The following SNAP23 variants were observed in gnomAD, a reference collection of about 807,000 sequenced individuals.
SNAP23 encodes synaptosomal-associated protein 23.
In SNAP23, 11 loss-of-function variants were observed where a neutral mutation model predicts 29.0. The observed-to-expected ratio is 0.38, with a 90% CI of 0.24 to 0.63. The LOEUF is 0.63. Ranked by LOEUF, SNAP23 falls within the 20% of genes least tolerant of loss-of-function variation. SNAP23 has a pLI of 0.58. For synonymous variants in SNAP23, 60 were observed against 82.9 expected, an observed-to-expected ratio of 0.72 and a Z score of 1.50; for missense variants, 220 against 253.9, an observed-to-expected ratio of 0.87 and a Z score of 0.91.
Position 42,529,679 on chromosome 15 carries a change from A to G in SNAP23, c.430A>G (p.Thr144Ala), listed in dbSNP as rs758027794. The change falls in exon 7 of 8, where the codon ACT becomes GCT. Residue 144 changes from threonine (T) to alanine (A), a missense_variant. Physicochemically the swap from Thr to Ala is moderately conservative, Grantham distance 58 (BLOSUM62 0). Coordinates refer to ENST00000249647, the MANE Select transcript of SNAP23 (RefSeq NM_003825.4). ...TTAACTGTCTTCTTGTGATAGCATA[A>G]CTAATGATGCCAGAGAAGATGAAAT... ...AASGGYIKRI[T>A]NDAREDEMEE... 1 of 1,613,450 alleles carries G rather than the reference A, an allele frequency of 6.2e-7. No individual in the cohort carries two copies. Among genetic ancestry groups the G allele is most frequent in the Non-Finnish European group, 8.5e-7 (1 of 1,179,796 alleles).
intron 4 of SNAP23, among the ~76,000 whole-genome samples, chr15:42,514,807 A>G (rs1408339039): frequency 1.3e-5 from 2 of 151,274 alleles, no homozygotes; most frequent in South Asian, 2.1e-4. Flanking sequence ...GGTTCAAGCA[A>G]TTCTCCTGCC....
chr15:42,513,519 AC>A (rs2057374678), intron 4 of SNAP23, 72 bp downstream of exon 4: 2 of 1,254,996 alleles, frequency 1.6e-6, no homozygotes, highest in Non-Finnish European at 2.3e-6. Context: ...TTAGCCACAT[AC>A]AAATTTCAGC....
upstream of SNAP23, chr15:42,491,271 C>T (rs898324652): frequency 6.6e-6 from 1 of 152,428 alleles, no homozygotes; most frequent in African/African-American, 2.4e-5. Context: ...GGAGGAAGAA[C>T]AAAGGCAGGC....
intron 1 of SNAP23, among the ~76,000 whole-genome samples, chr15:42,501,831 TTAAAG>T (rs1468564743): frequency 6.6e-6 from 1 of 152,108 alleles, no homozygotes; most frequent in African/African-American, 2.4e-5. Flanking sequence ...GTAACAACAC[TTAAAG>T]TAAGCATTAT....
chr15:42,516,366 T>A (rs144754148), intron 5 of SNAP23, among the ~76,000 whole-genome samples: 1 of 152,016 alleles, frequency 6.6e-6, no homozygotes, highest in East Asian at 1.9e-4. Context: ...AGTCTCACTC[T>A]GTTACCAGGC....
chr15:42,515,135 T>TTGG, intron 4 of SNAP23, 102 bp from the exon 5 acceptor site: 5 of 687,892 alleles, frequency 7.3e-6, no homozygotes, highest in Non-Finnish European at 1.3e-5. Context: ...TGGGGAGTTA[T>TTGG]TGGTAGATTC....
chr15:42,520,557 C>T (rs913938858), intron 5 of SNAP23, among the ~76,000 whole-genome samples: 5 of 151,844 alleles, frequency 3.3e-5, no homozygotes, highest in East Asian at 2.0e-4. Context: ...TGCAGTGGCA[C>T]GATCTCGGCT....
chr15:42,531,292 G>A (rs1013165359), intron 7 of SNAP23, 121 bp from the exon 8 acceptor site: 1 of 565,708 alleles, frequency 1.8e-6, no homozygotes, highest in Non-Finnish European at 3.0e-6. Context: ...CATGAGTTTT[G>A]TAATGTAACT....
At chr15:42,502,045 T>TTGC (rs2057275450) in intron 1 of SNAP23, among the ~76,000 whole-genome samples, 2 of 146,400 alleles carry the variant, frequency 1.4e-5, no homozygotes, top group African/African-American at 2.6e-5. Context: ...TTTTTTTTTT[T>TTGC]GAGACGGAGT....
rs1222158717 is a variant in SNAP23, at chr15:42,532,433, A to G, written c.*955A>G. 1.3e-5 allele frequency: 2 copies of G among 152,226 alleles called. No homozygotes were observed. Among genetic ancestry groups the G allele is most frequent in the South Asian group, 4.1e-4 (2 of 4,834 alleles). 9.4% of individuals were successfully genotyped at this position (152,226 alleles called of 1,614,324 possible). A position where few individuals can be genotyped will look rare whatever the true frequency, so the allele number is the denominator to read the frequency against. Reference sequence around the variant, plus strand: ...TTTCTGAACTCTTAGTGATTCATATATGTACATAAATCTGTGATCCCATTT... The same window carrying G: ...TTTCTGAACTCTTAGTGATTCATATGTGTACATAAATCTGTGATCCCATTT... On this transcript the variant is annotated 3_prime_UTR_variant, in exon 8 of 8. Coordinates refer to ENST00000249647, the MANE Select transcript of SNAP23 (RefSeq NM_003825.4).
At chr15:42,516,415 C>T (rs1055853026) in intron 5 of SNAP23, among the ~76,000 whole-genome samples, 8 of 152,170 alleles carry the variant, frequency 5.3e-5, no homozygotes, top group African/African-American at 1.4e-4. Flanking sequence ...CTGCAACCTC[C>T]GTCTCCTGGG....
rs58783317 is a variant in SNAP23 at position 42,497,046 on chromosome 15, T to TCTTTC, written c.-15+1333_-15+1334insCTTTC. Reference sequence around the variant, plus strand: ...TGGCCCCTTTCTTTCTTTCTTTCTTTTTTTTTTTTTTTGAGATGGAGTCTC... The same window carrying TCTTTC: ...TGGCCCCTTTCTTTCTTTCTTTCTTTCTTTCTTTTTTTTTTTTGAGATGGAGTCTC... On this transcript the variant is annotated intron_variant, in intron 1 of 7. Coordinates refer to ENST00000249647, the MANE Select transcript of SNAP23 (RefSeq NM_003825.4). Among the ~76,000 whole-genome samples, 5 of 147,350 alleles carry TCTTTC rather than the reference T, an allele frequency of 3.4e-5. No homozygotes were observed. The South Asian group carries it at 6.4e-4, about 19-fold the overall frequency.
At chr15:42,492,376 G>A (rs934286613), upstream of SNAP23, among the ~76,000 whole-genome samples, 2 of 151,922 alleles carry the variant, frequency 1.3e-5, no homozygotes, top group Non-Finnish European at 2.9e-5. Flanking sequence ...GACCTTCAAC[G>A]TCTCAAATAA....
At chr15:42,529,917 A>T (rs1566821680) in intron 7 of SNAP23, 98 bp downstream of exon 7, 1 of 1,322,528 alleles carries the variant, frequency 7.6e-7, no homozygotes. Flanking sequence ...CGGTAGAATA[A>T]GCTCCTGTCC....
rs1373643729 is a variant in SNAP23 at position 42,531,913 on chromosome 15, C to T, written c.*435C>T. On this transcript the variant is annotated 3_prime_UTR_variant, in exon 8 of 8. Coordinates refer to ENST00000249647, the MANE Select transcript of SNAP23 (RefSeq NM_003825.4). ...TACCTCAGTAAAAACCTTCAGGCCA[C>T]AAAGCAAAAAGTTGCATAGCCACAA... The T allele has an allele frequency of 6.5e-6, 1 of 153,012 alleles. No homozygotes were observed. The highest frequency in any genetic ancestry group is 1.5e-5 in the Non-Finnish European group (1 of 68,572). The allele number at this position is 153,012 out of a possible 1,614,324, so 9.5% of individuals were successfully genotyped here. A position where few individuals can be genotyped will look rare whatever the true frequency, so the allele number is the denominator to read the frequency against.
intron 4 of SNAP23, 114 bp downstream of exon 4, chr15:42,513,561 G>A (rs1019539574): frequency 1.3e-6 from 1 of 790,536 alleles, no homozygotes; most frequent in Non-Finnish European, 2.2e-6. Context: ...TGTAAAATAA[G>A]AATGTTATGT....
upstream of SNAP23, among the ~76,000 whole-genome samples, chr15:42,493,354 C>CTA (rs934870003): frequency 6.3e-3 from 931 of 147,266 alleles, 11 homozygotes; most frequent in African/African-American, 0.021. Flanking sequence ...CTCTCTCTCT[C>CTA]TATATATATA....
At chr15:42,518,463 T>G (rs944117428) in intron 5 of SNAP23, among the ~76,000 whole-genome samples, 12 of 147,804 alleles carry the variant, frequency 8.1e-5, no homozygotes, top group African/African-American at 3.0e-4. Flanking sequence ...CGAGACAGGG[T>G]CTCGCTCTGT....
At chr15:42,508,584 A>G (rs1192947977) in intron 1 of SNAP23, among the ~76,000 whole-genome samples, 1 of 152,204 alleles carries the variant, frequency 6.6e-6, no homozygotes, top group East Asian at 1.9e-4. Context: ...TCACATGGAA[A>G]GGATGTGTCC....
Sources: allele counts gnomAD v4.1 joint callset (sites outside exome capture counted in the v4.1 genomes callset), GRCh38; gene constraint gnomAD v4.1.1; transcripts MANE v1.5; gene names NCBI Gene and HGNC (gene_info 2026-07-23, HGNC 2026-07-21).